The following FTCDNL1 variants were observed in gnomAD, a reference collection of about 807,000 sequenced individuals.
FTCDNL1 encodes formiminotransferase cyclodeaminase N-terminal like.
A neutral mutation model predicts 5.9 loss-of-function variants in FTCDNL1; 11 were observed. The observed-to-expected ratio is 1.87, with a 90% CI of 1.18 to 3.10. FTCDNL1 has a LOEUF of 3.10. Ranked by LOEUF, FTCDNL1 falls within the 30% of genes most tolerant of loss-of-function variation. The probability of loss-of-function intolerance (pLI) is 0.00; values close to 1 mark genes in which losing one functional copy is unlikely to be tolerated. For missense variants in FTCDNL1, 115 were observed against 65.5 expected, an observed-to-expected ratio of 1.76 and a Z score of -2.61; for synonymous variants, 58 against 24.8, an observed-to-expected ratio of 2.34 and a Z score of -3.99.
chr2:199,813,782 G>A (rs538711064), intron 4 of FTCDNL1, among the ~76,000 whole-genome samples: 10 of 151,744 alleles, frequency 6.6e-5, no homozygotes, highest in African/African-American at 1.5e-4. Flanking sequence ...ATGGTGGCGC[G>A]TGCCTGTAGT....
At chr2:199,828,670 T>C (rs1702178548) in intron 3 of FTCDNL1, among the ~76,000 whole-genome samples, 1 of 152,220 alleles carries the variant, frequency 6.6e-6, no homozygotes, top group Non-Finnish European at 1.5e-5. Flanking sequence ...TAGTATCAAA[T>C]CTAATAGACT....
At chr2:199,688,473 A>T in the FTCDNL1 span, among the ~76,000 whole-genome samples, 2 of 151,928 alleles carry the variant, frequency 1.3e-5, no homozygotes, top group Non-Finnish European at 1.5e-5. Context: ...ACAACTCCCC[A>T]AGTAATTCTG....
chr2:199,837,938 G>A (rs1227652300), intron 3 of FTCDNL1, among the ~76,000 whole-genome samples: 2 of 152,116 alleles, frequency 1.3e-5, no homozygotes, highest in Non-Finnish European at 2.9e-5. Flanking sequence ...CTAGACTCTT[G>A]CAGCTGAATA....
the FTCDNL1 span, among the ~76,000 whole-genome samples, chr2:199,749,809 T>C: frequency 3.9e-5 from 6 of 152,172 alleles, no homozygotes; most frequent in African/African-American, 1.4e-4. Context: ...CTACTGTCTC[T>C]GAGGACATGA....
the FTCDNL1 span, among the ~76,000 whole-genome samples, chr2:199,698,396 C>T: frequency 6.6e-6 from 1 of 152,144 alleles, no homozygotes; most frequent in African/African-American, 2.4e-5. Flanking sequence ...TAAAGCAATT[C>T]TCGAAAATTT....
chr2:199,792,090 A>G (rs1473179096), intron 3 of FTCDNL1, among the ~76,000 whole-genome samples: 1 of 152,092 alleles, frequency 6.6e-6, no homozygotes, highest in Admixed American at 6.5e-5. Flanking sequence ...TATGTGTAAA[A>G]AAAAAATCAC....
downstream of FTCDNL1, among the ~76,000 whole-genome samples, chr2:199,808,715 T>C (rs183055208): frequency 6.6e-6 from 1 of 152,372 alleles, no homozygotes; most frequent in East Asian, 1.9e-4. Context: ...ATCTGTTTAA[T>C]ACTGATGCTC....
At chr2:199,675,778 CAG>C in the FTCDNL1 span, among the ~76,000 whole-genome samples, 10 of 152,156 alleles carry the variant, frequency 6.6e-5, no homozygotes, top group African/African-American at 2.4e-4. Context: ...TGTTTTGAGA[CAG>C]AGTCTCACTT....
the FTCDNL1 span, among the ~76,000 whole-genome samples, chr2:199,675,539 A>G: frequency 1.3e-5 from 2 of 152,210 alleles, no homozygotes; most frequent in African/African-American, 4.8e-5. Context: ...GTGCTTTAAC[A>G]AAATAGAAAT....
the FTCDNL1 span, among the ~76,000 whole-genome samples, chr2:199,745,401 G>C: frequency 6.6e-6 from 1 of 152,052 alleles, no homozygotes; most frequent in Non-Finnish European, 1.5e-5. Flanking sequence ...TTTCCTACTC[G>C]ATGACAGGTT....
At chr2:199,784,238 G>A (rs557831968) in intron 3 of FTCDNL1, among the ~76,000 whole-genome samples, 5 of 152,252 alleles carry the variant, frequency 3.3e-5, no homozygotes, top group Admixed American at 3.3e-4. Context: ...CCCAGCAACA[G>A]CAATCTGATT....
chr2:199,778,912 C>A (rs561495459), intron 3 of FTCDNL1, among the ~76,000 whole-genome samples: 1 of 152,260 alleles, frequency 6.6e-6, no homozygotes, highest in South Asian at 2.1e-4. Context: ...ATAAATAGCT[C>A]AGGGAAGCCT....
the FTCDNL1 span, among the ~76,000 whole-genome samples, chr2:199,716,413 T>C: frequency 6.6e-6 from 1 of 152,196 alleles, no homozygotes; most frequent in Non-Finnish European, 1.5e-5. Flanking sequence ...GGTTGGACTT[T>C]AGGTAATGTT....
chr2:199,731,405 T>G, the FTCDNL1 span, among the ~76,000 whole-genome samples: 1 of 152,060 alleles, frequency 6.6e-6, no homozygotes, highest in Non-Finnish European at 1.5e-5. Flanking sequence ...CCAACCTAAT[T>G]GAGAGAATTT....
chr2:199,808,002 G>A (rs867577623), downstream of FTCDNL1, among the ~76,000 whole-genome samples: 32 of 152,168 alleles, frequency 2.1e-4, no homozygotes, highest in South Asian at 4.2e-4. Context: ...CCATCCTCTT[G>A]GTACTCTCCT....
chr2:199,743,592 C>A, the FTCDNL1 span, among the ~76,000 whole-genome samples: 1 of 152,044 alleles, frequency 6.6e-6, no homozygotes, highest in South Asian at 2.1e-4. Flanking sequence ...GGCAGCCTGT[C>A]AGAGGCTCTG....
At chr2:199,748,054 A>G in the FTCDNL1 span, among the ~76,000 whole-genome samples, 5 of 152,224 alleles carry the variant, frequency 3.3e-5, no homozygotes, top group African/African-American at 9.6e-5. Flanking sequence ...CCTGCAAAAG[A>G]GAACGAAGTC....
the FTCDNL1 span, among the ~76,000 whole-genome samples, chr2:199,736,966 T>C: frequency 6.6e-6 from 1 of 152,342 alleles, no homozygotes; most frequent in African/African-American, 2.4e-5. Flanking sequence ...TGGACCACAG[T>C]GGACACAGGG....
chr2:199,795,114 G>A (rs1332579491), intron 3 of FTCDNL1, among the ~76,000 whole-genome samples: 1 of 152,124 alleles, frequency 6.6e-6, no homozygotes, highest in Non-Finnish European at 1.5e-5. Context: ...AATTTGACTT[G>A]GACTGCTGCA....
Sources: allele counts gnomAD v4.1 joint callset (sites outside exome capture counted in the v4.1 genomes callset), GRCh38; gene constraint gnomAD v4.1.1; transcripts MANE v1.5; gene names NCBI Gene and HGNC (gene_info 2026-07-23, HGNC 2026-07-21).